Variants in HS3ST4 observed in about 807,000 individuals in gnomAD.
The protein encoded by HS3ST4 is heparan sulfate-glucosamine 3-sulfotransferase 4, also known as heparan sulfate glucosamine 3-O-sulfotransferase 4.
HS3ST4 carries 17 observed loss-of-function variants against 29.2 expected under a neutral mutation model. That is an observed-to-expected ratio of 0.58 (90% confidence interval 0.40 to 0.87). HS3ST4 has a LOEUF of 0.87. Among genes scored for constraint, HS3ST4 ranks in the 40% least tolerant of loss-of-function variants. HS3ST4 has a pLI of 0.00. For missense variants in HS3ST4, 627 were observed against 634.5 expected (o/e 0.99, Z 0.13); for synonymous variants, 314 against 285.7 (o/e 1.10, Z -1.00).
intron 1 of HS3ST4, among the ~76,000 whole-genome samples, chr16:25,838,701 G>GT (rs1279795877): frequency 3.3e-5 from 5 of 152,088 alleles, no homozygotes; most frequent in Admixed American, 2.6e-4. Flanking sequence ...CTATAACTGG[G>GT]TTTGCGTCCT....
At chr16:25,710,407 G>A (rs868686546) in intron 1 of HS3ST4, among the ~76,000 whole-genome samples, 1 of 152,160 alleles carries the variant, frequency 6.6e-6, no homozygotes, top group African/African-American at 2.4e-5. Flanking sequence ...ATTAGGTCCC[G>A]GTCAATTTCC....
intron 1 of HS3ST4, among the ~76,000 whole-genome samples, chr16:26,030,894 T>C (rs1470181581): frequency 3.3e-5 from 5 of 152,190 alleles, no homozygotes; most frequent in Non-Finnish European, 5.9e-5. Context: ...AGAGGTGCTT[T>C]CTCCACCAAA....
At chr16:25,907,429 C>G (rs555137150) in intron 1 of HS3ST4, among the ~76,000 whole-genome samples, 22 of 152,168 alleles carry the variant, frequency 1.4e-4, no homozygotes, top group Admixed American at 1.1e-3. Flanking sequence ...TAGAGGTCAC[C>G]TTGATCATGA....
intron 1 of HS3ST4, among the ~76,000 whole-genome samples, chr16:25,700,638 T>G (rs535291504): frequency 6.6e-6 from 1 of 152,166 alleles, no homozygotes; most frequent in Admixed American, 6.5e-5. Context: ...GGGTTTTGGT[T>G]TTGCATAATG....
At chr16:25,911,362 T>C (rs1853158850) in intron 1 of HS3ST4, among the ~76,000 whole-genome samples, 1 of 152,042 alleles carries the variant, frequency 6.6e-6, no homozygotes, top group Non-Finnish European at 1.5e-5. Context: ...GTCCTGACTG[T>C]GGGCCACTCA....
At chr16:25,804,221 T>C (rs1966967876) in intron 1 of HS3ST4, among the ~76,000 whole-genome samples, 1 of 152,232 alleles carries the variant, frequency 6.6e-6, no homozygotes, top group African/African-American at 2.4e-5. Context: ...GTTTGTAATT[T>C]CTAGGAGCAT....
chr16:25,989,665 C>T (rs762820349), intron 1 of HS3ST4, among the ~76,000 whole-genome samples: 5 of 152,182 alleles, frequency 3.3e-5, no homozygotes, highest in Non-Finnish European at 7.3e-5. Context: ...TAACTGACTT[C>T]GTCTGCTCAG....
At chr16:25,719,015 A>G (rs1411114499) in intron 1 of HS3ST4, among the ~76,000 whole-genome samples, 1 of 152,260 alleles carries the variant, frequency 6.6e-6, no homozygotes, top group Non-Finnish European at 1.5e-5. Context: ...GGGAGTGATC[A>G]ACCATGTTGG....
chr16:25,777,494 C>T (rs944949737), intron 1 of HS3ST4, among the ~76,000 whole-genome samples: 2 of 151,970 alleles, frequency 1.3e-5, no homozygotes, highest in Admixed American at 6.6e-5. Flanking sequence ...CAAGGCTGGG[C>T]GCGGTGGCTC....
intron 1 of HS3ST4, among the ~76,000 whole-genome samples, chr16:25,771,825 C>A (rs529822240): frequency 4.6e-5 from 7 of 152,266 alleles, no homozygotes; most frequent in Admixed American, 1.3e-4. Context: ...GTTCCTAGTG[C>A]CTTGGCTGGA....
In HS3ST4 at chr16:26,110,854, T is replaced by A. The variant is rs373276422; in HGVS notation, c.735-24758T>A. On this transcript the variant is annotated intron_variant, in intron 1 of 1. Coordinates refer to ENST00000331351, the MANE Select transcript of HS3ST4 (RefSeq NM_006040.3). ...CTCACGCTCTCCAGCTACACCGGCC[T>A]CCTTCTTGTCTGCGTGCACAACACT... Among the ~76,000 whole-genome samples the A allele has an allele frequency of 1.2e-3, 185 of 152,192 alleles. 7 individuals carry two copies. In the South Asian group the frequency reaches 0.035, roughly 29 times the overall value.
At chr16:25,984,093 G>A (rs1037929638) in intron 1 of HS3ST4, among the ~76,000 whole-genome samples, 4 of 152,110 alleles carry the variant, frequency 2.6e-5, no homozygotes, top group Admixed American at 2.0e-4. Context: ...GGTCCTCCTT[G>A]TAGCTATGTG....
At chr16:26,131,752 T>TG in intron 1 of HS3ST4, among the ~76,000 whole-genome samples, 1 of 152,142 alleles carries the variant, frequency 6.6e-6, no homozygotes, top group East Asian at 1.9e-4. Context: ...GAGATGAAAG[T>TG]GGGGAAAAGG....
At chr16:25,725,989 A>G (rs79234942) in intron 1 of HS3ST4, among the ~76,000 whole-genome samples, 2,898 of 152,274 alleles carry the variant, frequency 0.019, 90 homozygotes, top group African/African-American at 0.064. Flanking sequence ...TAGTATAAAC[A>G]CACATGCATT....
At chr16:25,836,601 T>C (rs905674894) in intron 1 of HS3ST4, among the ~76,000 whole-genome samples, 1 of 152,224 alleles carries the variant, frequency 6.6e-6, no homozygotes, top group African/African-American at 2.4e-5. Context: ...AATCCACCCG[T>C]TTGACAATAT....
intron 1 of HS3ST4, among the ~76,000 whole-genome samples, chr16:25,895,012 G>A (rs1968045537): frequency 1.3e-5 from 2 of 152,314 alleles, no homozygotes; most frequent in South Asian, 4.1e-4. Context: ...TGGTGTGGGA[G>A]ACAGATGAGA....
chr16:25,698,557 C>G (rs993616751), intron 1 of HS3ST4, among the ~76,000 whole-genome samples: 7 of 152,152 alleles, frequency 4.6e-5, no homozygotes, highest in African/African-American at 1.7e-4. Flanking sequence ...GTAATTGCTT[C>G]CTTTTAGATT....
At chr16:25,954,781 G>C (rs768694663) in intron 1 of HS3ST4, among the ~76,000 whole-genome samples, 15 of 152,020 alleles carry the variant, frequency 9.9e-5, no homozygotes, top group Non-Finnish European at 2.1e-4. Context: ...ATGCTTGGCT[G>C]GTAAGTATAA....
At chr16:25,763,308 G>T (rs1460359025) in intron 1 of HS3ST4, among the ~76,000 whole-genome samples, 1 of 152,118 alleles carries the variant, frequency 6.6e-6, no homozygotes, top group East Asian at 1.9e-4. Flanking sequence ...GCATCTCCAG[G>T]ATGGAAAACA....
Sources: gnomAD v4.1 joint callset for allele counts (sites outside exome capture counted in the v4.1 genomes callset) on GRCh38, gnomAD v4.1.1 for gene constraint, MANE v1.5 for transcripts, NCBI Gene and HGNC (gene_info 2026-07-23, HGNC 2026-07-21) for gene names.